Variants in ANKIB1 observed in about 807,000 individuals in gnomAD.
The protein encoded by ANKIB1 is ankyrin repeat and IBR domain containing 1.
A neutral mutation model predicts 122.1 loss-of-function variants in ANKIB1; 43 were observed. The observed-to-expected ratio is 0.35, with a 90% CI of 0.28 to 0.45. The LOEUF (loss-of-function observed/expected upper bound fraction) is 0.45. ANKIB1 is among the 20% of genes least tolerant of loss of function. The pLI, the probability that ANKIB1 is intolerant of heterozygous loss-of-function variation, is 1.00. For synonymous variants in ANKIB1, 390 were observed against 442.0 expected (o/e 0.88, Z 1.48); for missense variants, 992 against 1,329.5 (o/e 0.75, Z 3.95).
intron 9 of ANKIB1, among the ~76,000 whole-genome samples, chr7:92,358,893 G>T (rs1425685593): frequency 6.6e-6 from 1 of 151,898 alleles, no homozygotes. Flanking sequence ...TGTAGATTCT[G>T]CATTCCCACC....
intron 4 of ANKIB1, among the ~76,000 whole-genome samples, chr7:92,326,389 C>T (rs1562782803): frequency 6.6e-6 from 1 of 152,152 alleles, no homozygotes; most frequent in South Asian, 2.1e-4. Context: ...TGATTAAATT[C>T]ACCATTTTCT....
chr7:92,272,686 G>T (rs922691967), intron 1 of ANKIB1, among the ~76,000 whole-genome samples: 35 of 152,274 alleles, frequency 2.3e-4, no homozygotes, highest in Admixed American at 2.0e-3. Flanking sequence ...GGAGAATAAT[G>T]TGGATATATA....
intron 4 of ANKIB1, among the ~76,000 whole-genome samples, chr7:92,324,737 T>G (rs1802988814): frequency 6.6e-6 from 1 of 152,222 alleles, no homozygotes; most frequent in Non-Finnish European, 1.5e-5. Context: ...GAGTTTTAAT[T>G]TAGTTAATGA....
intron 1 of ANKIB1, among the ~76,000 whole-genome samples, chr7:92,272,310 A>G (rs1040567239): frequency 1.3e-5 from 2 of 152,216 alleles, no homozygotes; most frequent in African/African-American, 4.8e-5. Context: ...AACTAGTGAC[A>G]TTTAAATGTA....
intron 1 of ANKIB1, among the ~76,000 whole-genome samples, chr7:92,255,454 G>C (rs1801417032): frequency 6.6e-6 from 1 of 152,136 alleles, no homozygotes; most frequent in South Asian, 2.1e-4. Flanking sequence ...TTGTCTTTCT[G>C]TTTAGTCATC....
At chr7:92,347,946 G>A (rs183787665) in intron 7 of ANKIB1, 13 of 441,230 alleles carry the variant, frequency 2.9e-5, no homozygotes, top group Admixed American at 1.3e-4. Flanking sequence ...ATATTCCTAA[G>A]CATTGTAATA....
chr7:92,346,577 T>C (rs1803544925), intron 7 of ANKIB1, among the ~76,000 whole-genome samples: 1 of 152,202 alleles, frequency 6.6e-6, no homozygotes, highest in South Asian at 2.1e-4. Context: ...AGTATAGCTG[T>C]TACAGGTATA....
intron 4 of ANKIB1, among the ~76,000 whole-genome samples, chr7:92,323,693 A>G (rs1421361828): frequency 6.6e-6 from 1 of 152,244 alleles, no homozygotes; most frequent in Non-Finnish European, 1.5e-5. Flanking sequence ...AAAACAACTC[A>G]AACGTTTATC....
At chr7:92,343,684 T>C (rs1803479460) in intron 6 of ANKIB1, among the ~76,000 whole-genome samples, 1 of 152,158 alleles carries the variant, frequency 6.6e-6, no homozygotes, top group Non-Finnish European at 1.5e-5. Flanking sequence ...TACACACATA[T>C]ATACATCATA....
chr7:92,354,173 A>G (rs1803730377), intron 9 of ANKIB1, among the ~76,000 whole-genome samples: 1 of 152,228 alleles, frequency 6.6e-6, no homozygotes, highest in Non-Finnish European at 1.5e-5. Flanking sequence ...AAGATAAGAA[A>G]GCTAATGGAA....
intron 4 of ANKIB1, chr7:92,319,747 G>T: frequency 2.2e-6 from 1 of 450,566 alleles, no homozygotes; most frequent in Non-Finnish European, 3.9e-6. Context: ...AGACCAGCCT[G>T]GGCTATAGCA....
intron 1 of ANKIB1, among the ~76,000 whole-genome samples, chr7:92,255,957 G>A (rs1391977035): frequency 6.6e-6 from 1 of 152,132 alleles, no homozygotes; most frequent in African/African-American, 2.4e-5. Flanking sequence ...CATCCTTAAA[G>A]AGTTTACCAG....
intron 1 of ANKIB1, among the ~76,000 whole-genome samples, chr7:92,268,058 A>T (rs578135966): frequency 6.6e-6 from 1 of 152,310 alleles, no homozygotes; most frequent in South Asian, 2.1e-4. Context: ...CTATGAGGAG[A>T]GGAAAACATT....
At chr7:92,320,570 T>TA (rs1458876791) in intron 4 of ANKIB1, among the ~76,000 whole-genome samples, 5 of 152,222 alleles carry the variant, frequency 3.3e-5, no homozygotes, top group African/African-American at 1.2e-4. Context: ...GAAGCATTCT[T>TA]GATTCCTCAC....
intron 1 of ANKIB1, among the ~76,000 whole-genome samples, chr7:92,264,395 A>AC (rs1007933173): frequency 4.1e-5 from 6 of 147,230 alleles, no homozygotes; most frequent in Non-Finnish European, 9.0e-5. Context: ...GTCAATAAAA[A>AC]TTTTTTTTTT....
Position 92,246,345 on chromosome 7 carries a change from T to C in ANKIB1, c.-265T>C. The C allele has an allele frequency of 2.3e-6, 1 of 439,908 alleles. No individual in the cohort carries two copies. Among genetic ancestry groups the C allele is most frequent in the Non-Finnish European group, 4.5e-6 (1 of 221,904 alleles). 27.3% of individuals were successfully genotyped at this position (439,908 alleles called of 1,614,324 possible). ...CCGCCAGTGCGCACCCTCGGCCACA[T>C]CAGCCTCCGCCTGGCGGGTGCACCC... On this transcript the variant is annotated 5_prime_UTR_variant, in exon 1 of 20. Coordinates refer to ENST00000265742, the MANE Select transcript of ANKIB1 (RefSeq NM_019004.2).
At chr7:92,285,237 A>C (rs1802095488) in intron 1 of ANKIB1, among the ~76,000 whole-genome samples, 1 of 151,730 alleles carries the variant, frequency 6.6e-6, no homozygotes, top group Non-Finnish European at 1.5e-5. Flanking sequence ...CTGATCTCGA[A>C]CTCCTGACCT....
intron 9 of ANKIB1, among the ~76,000 whole-genome samples, chr7:92,356,665 A>C (rs544284600): frequency 1.3e-5 from 2 of 152,284 alleles, no homozygotes; most frequent in South Asian, 4.1e-4. Flanking sequence ...ATCCTCTCCT[A>C]AAATAATATG....
Position 92,343,172 on chromosome 7 carries a change from C to T in ANKIB1, c.936C>T (p.Arg312=), listed in dbSNP as rs768909638. ...LPSPRTPRTT[R]SSVTSPDEIS... is the part of the protein sequence containing the mutation. The stretch of plus-strand genomic sequence containing the variant: ...CTCCAAGAACTCCAAGGACTACACG[C>T]TCTTCTGTCACCTCCCCAGATGAAA... The change falls in exon 6 of 20, where the codon CGC becomes CGT. Residue 312 remains arginine, a synonymous_variant. Coordinates refer to ENST00000265742, the MANE Select transcript of ANKIB1 (RefSeq NM_019004.2). 1.9e-6 allele frequency: 3 copies of T among 1,613,860 alleles called. No individual in the cohort carries two copies. The highest frequency in any genetic ancestry group is 1.1e-5 in the South Asian group (1 of 91,080).
Sources: allele counts gnomAD v4.1 joint callset (sites outside exome capture counted in the v4.1 genomes callset), GRCh38; gene constraint gnomAD v4.1.1; transcripts MANE v1.5; gene names NCBI Gene and HGNC (gene_info 2026-07-23, HGNC 2026-07-21).